The following GRID2 variants were observed in gnomAD, a reference collection of about 807,000 sequenced individuals.
GRID2 encodes the protein glutamate ionotropic receptor delta type subunit 2.
In GRID2, 33 loss-of-function variants were observed where a neutral mutation model predicts 114.8. The ratio of observed to expected loss-of-function variants is 0.29; its 90% CI spans 0.22 to 0.38. GRID2 has a LOEUF of 0.38. GRID2 is among the 10% of genes least tolerant of loss of function. The pLI, the probability that GRID2 is intolerant of heterozygous loss-of-function variation, is 1.00. For synonymous variants in GRID2, 505 were observed against 449.9 expected (o/e 1.12, Z -1.55); for missense variants, 1,184 against 1,257.7 (o/e 0.94, Z 0.89).
intron 14 of GRID2, among the ~76,000 whole-genome samples, chr4:93,635,842 C>T (rs1157648117): frequency 6.6e-6 from 1 of 152,050 alleles, no homozygotes; most frequent in Non-Finnish European, 1.5e-5. Context: ...GTGAATTTTT[C>T]AAAAATATTT....
chr4:93,480,650 AGTT>A, intron 11 of GRID2, among the ~76,000 whole-genome samples: 1 of 152,188 alleles, frequency 6.6e-6, no homozygotes, highest in Admixed American at 6.6e-5. Context: ...CATCTCTTAT[AGTT>A]AGTCATCCAC....
chr4:93,594,069 TC>T (rs1738740086), intron 13 of GRID2, among the ~76,000 whole-genome samples: 2 of 152,240 alleles, frequency 1.3e-5, no homozygotes, highest in African/African-American at 2.4e-5. Context: ...AAAGTCGTTC[TC>T]CGTCCAGCTT....
chr4:93,690,561 G>C (rs2110113347), intron 14 of GRID2, among the ~76,000 whole-genome samples: 1 of 151,998 alleles, frequency 6.6e-6, no homozygotes, highest in East Asian at 1.9e-4. Context: ...TTCCTAATGA[G>C]TTGTCATGAG....
intron 3 of GRID2, among the ~76,000 whole-genome samples, chr4:93,104,553 C>T (rs931278188): frequency 1.5e-4 from 23 of 151,628 alleles, no homozygotes; most frequent in Non-Finnish European, 2.1e-4. Context: ...TGAGAACATG[C>T]GGTGTTTGGT....
intron 1 of GRID2, among the ~76,000 whole-genome samples, chr4:92,481,983 T>G (rs62310666): frequency 0.52 from 26,250 of 50,912 alleles, 3,621 homozygotes; most frequent in Middle Eastern, 0.58. Flanking sequence ...TAAAATGTGA[T>G]ATATATATAT....
At chr4:93,509,278 G>T (rs746691070) in intron 12 of GRID2, among the ~76,000 whole-genome samples, 10 of 152,124 alleles carry the variant, frequency 6.6e-5, no homozygotes, top group East Asian at 1.9e-4. Context: ...GATGGTGACA[G>T]ATTTACAAAA....
At chr4:93,025,833 C>T (rs981095417) in intron 2 of GRID2, among the ~76,000 whole-genome samples, 16 of 151,532 alleles carry the variant, frequency 1.1e-4, no homozygotes, top group Admixed American at 4.6e-4. Context: ...TCAAGTCATT[C>T]TATATTTATT....
At chr4:92,775,252 A>G (rs571276492) in intron 2 of GRID2, among the ~76,000 whole-genome samples, 30 of 152,314 alleles carry the variant, frequency 2.0e-4, no homozygotes, top group Middle Eastern at 3.4e-3. Flanking sequence ...ATAGAGTTTG[A>G]GAAATCTGTG....
At chr4:92,618,010 T>C (rs1730085057) in intron 2 of GRID2, among the ~76,000 whole-genome samples, 1 of 151,692 alleles carries the variant, frequency 6.6e-6, no homozygotes, top group Non-Finnish European at 1.5e-5. Context: ...GTAGAAGCTT[T>C]TAGGTTTGAC....
At chr4:92,675,833 C>A (rs1352584307) in intron 2 of GRID2, among the ~76,000 whole-genome samples, 2 of 151,922 alleles carry the variant, frequency 1.3e-5, no homozygotes, top group Admixed American at 1.3e-4. Flanking sequence ...GGATTACAGG[C>A]GTGAGCTACC....
rs1390669619 is a variant in GRID2 at position 92,507,435 on chromosome 4, G to GTGTC, written c.89-82693_89-82692insCTGT. ...TATAATTGTGTGTGTGTGTGTGTGTGTGTGTTTGTGTGTATGAAGGGCATC... is the reference window on the plus strand; with the variant it reads ...TATAATTGTGTGTGTGTGTGTGTGTGTGTCTGTGTTTGTGTGTATGAAGGGCATC... On this transcript the variant is annotated intron_variant, in intron 1 of 15. Transcript: ENST00000282020. 4.0e-5 allele frequency among the ~76,000 whole-genome samples: 6 copies of GTGTC among 151,764 alleles called. No individual in the cohort carries two copies. The South Asian group carries it at 1.2e-3, about 32-fold the overall frequency.
intron 1 of GRID2, among the ~76,000 whole-genome samples, chr4:92,576,301 T>C (rs1416129220): frequency 6.6e-6 from 1 of 152,154 alleles, no homozygotes; most frequent in Non-Finnish European, 1.5e-5. Context: ...ATTTGGACTC[T>C]CCAAAACCCA....
intron 1 of GRID2, among the ~76,000 whole-genome samples, chr4:92,370,781 A>T (rs191252193): frequency 1.9e-3 from 283 of 152,304 alleles, no homozygotes; most frequent in Non-Finnish European, 2.9e-3. Flanking sequence ...GTGGTGAAAG[A>T]TAAGGAGTTA....
At chr4:92,557,702 G>T (rs1392571808) in intron 1 of GRID2, among the ~76,000 whole-genome samples, 1 of 149,426 alleles carries the variant, frequency 6.7e-6, no homozygotes, top group African/African-American at 2.5e-5. Context: ...GAACAGAAAT[G>T]TGTATTTATA....
rs1417617064 is a variant in GRID2, at chr4:92,844,866, T to C, written c.245-240129T>C. 2.0e-5 allele frequency among the ~76,000 whole-genome samples: 3 copies of C among 152,156 alleles called. No individual in the cohort carries two copies. The East Asian group carries it at 5.8e-4, about 29-fold the overall frequency. On this transcript the variant is annotated intron_variant, in intron 2 of 15. Coordinates refer to ENST00000282020, the MANE Select transcript of GRID2 (RefSeq NM_001510.4). ...AAGCTATTCTCAAGGGTTAATGCTT[T>C]TTTAAAAAGTATCTTTTTTACTGCT...
At chr4:93,737,755 C>A (rs1385404052) in intron 14 of GRID2, among the ~76,000 whole-genome samples, 1 of 152,038 alleles carries the variant, frequency 6.6e-6, no homozygotes, top group Non-Finnish European at 1.5e-5. Context: ...ATTTAACTCC[C>A]ATTTTCATTG....
chr4:92,584,727 T>C (rs1267092616), intron 1 of GRID2, among the ~76,000 whole-genome samples: 1 of 151,962 alleles, frequency 6.6e-6, no homozygotes, highest in African/African-American at 2.4e-5. Flanking sequence ...CACACATATA[T>C]GTACTGATGT....
chr4:92,895,468 TCTC>T (rs1374805693), intron 2 of GRID2, among the ~76,000 whole-genome samples: 2 of 147,480 alleles, frequency 1.4e-5, no homozygotes, highest in East Asian at 2.0e-4. Flanking sequence ...TTATCAGACT[TCTC>T]CTCATTATTT....
Position 92,304,656 on chromosome 4 carries a change from G to T in GRID2, c.-1G>T. 6.2e-7 allele frequency: 1 copy of T among 1,608,176 alleles called. No homozygotes were observed. Among genetic ancestry groups the T allele is most frequent in the African/African-American group, 1.3e-5 (1 of 74,846 alleles). Reference sequence around the variant, plus strand: ...CTCCAAGAGAATCGGCATAGGAGGAGATGGAAGTTTTCCCCTTTCTCTTGG... The same window carrying T: ...CTCCAAGAGAATCGGCATAGGAGGATATGGAAGTTTTCCCCTTTCTCTTGG... On this transcript the variant is annotated 5_prime_UTR_variant, in exon 1 of 16. Transcript: ENST00000282020.
Sources: allele counts gnomAD v4.1 joint callset (sites outside exome capture counted in the v4.1 genomes callset), GRCh38; gene constraint gnomAD v4.1.1; transcripts MANE v1.5; gene names NCBI Gene and HGNC (gene_info 2026-07-23, HGNC 2026-07-21).